The following RPL31 variants were observed in gnomAD, a reference collection of about 807,000 sequenced individuals.
RPL31 encodes the protein large ribosomal subunit protein eL31.
For missense variants in RPL31, 95 were observed against 164.0 expected (o/e 0.58, Z 2.30); for synonymous variants, 51 against 55.0 (o/e 0.93, Z 0.32).
chr2:101,007,982 T>C (rs774922509), downstream of RPL31: 10 of 1,613,908 alleles, frequency 6.2e-6, no homozygotes, highest in South Asian at 2.2e-5. Flanking sequence ...GAAGCTAAAA[T>C]ATGTTCAAGG....
intron 3 of RPL31, 197 bp from the exon 4 acceptor site, chr2:101,005,762 A>G (rs918399371): frequency 3.4e-6 from 2 of 584,680 alleles, no homozygotes; most frequent in East Asian, 2.9e-5. Context: ...TCAAACAAGC[A>G]TCCCTCCTGT....
In RPL31 at chr2:101,006,353, TACAG is replaced by T. The variant is rs1262561481; in HGVS notation, c.355_358del (p.Thr119SerfsTer9). 2.5e-6 allele frequency: 4 copies of T among 1,610,544 alleles called. No individual in the cohort carries two copies. The highest frequency in any genetic ancestry group is 1.7e-5 in the Admixed American group (1 of 58,980). On this transcript the variant is annotated frameshift_variant, in exon 5 of 5. Coordinates refer to ENST00000264258, the MANE Select transcript of RPL31 (RefSeq NM_000993.5). LOFTEE classifies it high-confidence loss of function. ...TTGACTGTTACTTCCTTTACAGATC[TACAG>T]ACAGTCAATGTGGATGAGAACTAAT...
chr2:101,006,406 G>A lies in RPL31; in HGVS notation c.*25G>A, dbSNP rs951297196. ...ATCGCTGATCGTCAGATCAAATAAA[G>A]TTATAAAATTGCCTTCATGTTTTTG... is the stretch of plus-strand genomic sequence containing the variant. On this transcript the variant is annotated 3_prime_UTR_variant, in exon 5 of 5. Coordinates refer to ENST00000264258, the MANE Select transcript of RPL31 (RefSeq NM_000993.5). 6.2e-7 allele frequency: 1 copy of A among 1,605,338 alleles called. No individual in the cohort carries two copies. Among genetic ancestry groups the A allele is most frequent in the Non-Finnish European group, 8.5e-7 (1 of 1,177,392 alleles).
At chr2:101,007,870 A>G (rs747861119), downstream of RPL31, 34 of 1,613,866 alleles carry the variant, frequency 2.1e-5, no homozygotes, top group Non-Finnish European at 2.6e-5. Context: ...GCTCATTTCA[A>G]AAGTTTTGAG....
At chr2:101,017,915 C>G in intron 4 of RPL31, 1 of 1,550,806 alleles carries the variant, frequency 6.4e-7, no homozygotes, top group Non-Finnish European at 8.7e-7. Context: ...AGAAACCGAA[C>G]AAGAAGAGGA....
intron 4 of RPL31, among the ~76,000 whole-genome samples, chr2:101,014,525 T>G (rs1470401082): frequency 2.0e-5 from 3 of 152,196 alleles, no homozygotes; most frequent in Non-Finnish European, 4.4e-5. Flanking sequence ...AGCTAAATCT[T>G]TAGAATGACT....
intron 2 of RPL31, among the ~76,000 whole-genome samples, chr2:101,003,114 C>A (rs1047157515): frequency 6.6e-6 from 1 of 152,214 alleles, no homozygotes; most frequent in Non-Finnish European, 1.5e-5. Flanking sequence ...CATCGGCCTT[C>A]TATCTTAGGT....
chr2:101,015,887 T>C (rs867085556), intron 4 of RPL31, among the ~76,000 whole-genome samples: 4 of 152,092 alleles, frequency 2.6e-5, no homozygotes, highest in Admixed American at 6.5e-5. Flanking sequence ...AAGCTGAAAC[T>C]GGATCCCTTC....
At chr2:101,007,788 T>A, downstream of RPL31, 2 of 1,595,010 alleles carry the variant, frequency 1.3e-6, no homozygotes, top group Non-Finnish European at 1.7e-6. Context: ...TTTGGTATGG[T>A]GGACTCCAGT....
At chr2:101,003,071 A>C (rs915329819) in intron 2 of RPL31, among the ~76,000 whole-genome samples, 4 of 152,116 alleles carry the variant, frequency 2.6e-5, no homozygotes, top group African/African-American at 7.2e-5. Flanking sequence ...TCCCTTCCCT[A>C]CCCAAACATG....
downstream of RPL31, among the ~76,000 whole-genome samples, chr2:101,008,664 T>A (rs1678936068): frequency 6.6e-6 from 1 of 151,916 alleles, no homozygotes; most frequent in East Asian, 1.9e-4. Context: ...AATACAAAAT[T>A]AGCCAGGCAT....
chr2:101,004,429 G>A lies in RPL31; in HGVS notation c.233+146G>A. On this transcript the variant is annotated intron_variant, in intron 3 of 4. Transcript: ENST00000264258. ...AAATACTGTGACCGTGACTTAGGGT[G>A]TGTAGTATCTGCAGGGAAGCCCCTT... The A allele has an allele frequency of 6.1e-6, 5 of 823,572 alleles. No individual in the cohort carries two copies. The South Asian group carries it at 7.9e-5, about 13-fold the overall frequency. The allele number at this position is 823,572 out of a possible 1,614,324, so 51.0% of individuals were successfully genotyped here.
At chr2:101,009,713 G>A (rs932671915), downstream of RPL31, among the ~76,000 whole-genome samples, 1 of 151,818 alleles carries the variant, frequency 6.6e-6, no homozygotes, top group African/African-American at 2.4e-5. Flanking sequence ...CCCACAAGAT[G>A]TTTTGTGGTC....
intron 2 of RPL31, among the ~76,000 whole-genome samples, chr2:101,003,721 C>G (rs1163406290): frequency 1.2e-4 from 19 of 152,230 alleles, no homozygotes; most frequent in Non-Finnish European, 1.0e-4. Context: ...CTGCACACTT[C>G]AGGCCCCTGC....
chr2:101,006,227 C>G, intron 4 of RPL31, 123 bp from the exon 5 acceptor site: 1 of 1,511,910 alleles, frequency 6.6e-7, no homozygotes, highest in South Asian at 1.3e-5. Context: ...CAAAACTGAT[C>G]CATATCTGGG....
At chr2:101,002,836 C>G (rs752999693) in intron 2 of RPL31, 28 bp downstream of exon 2, 7 of 1,527,518 alleles carry the variant, frequency 4.6e-6, no homozygotes, top group South Asian at 1.1e-5. Flanking sequence ...CGCCCTGGGT[C>G]TCGAACTCAC....
chr2:101,007,697 T>C (rs1678831425), downstream of RPL31: 1 of 975,780 alleles, frequency 1.0e-6, no homozygotes, highest in Non-Finnish European at 1.5e-6. Flanking sequence ...GTTTGTCAGG[T>C]TGTTTAGCCA....
downstream of RPL31, among the ~76,000 whole-genome samples, chr2:101,010,643 A>G (rs1380367105): frequency 1.3e-5 from 2 of 152,020 alleles, no homozygotes; most frequent in Admixed American, 6.5e-5. Flanking sequence ...CCAGCACTTT[A>G]GGAGGCTGAG....
chr2:101,008,990 T>G (rs1318481037), downstream of RPL31, among the ~76,000 whole-genome samples: 1 of 152,206 alleles, frequency 6.6e-6, no homozygotes, highest in African/African-American at 2.4e-5. Flanking sequence ...GTGATGCCTG[T>G]TGTTTTCTCA....
Sources: gnomAD v4.1 joint callset for allele counts (sites outside exome capture counted in the v4.1 genomes callset) on GRCh38, gnomAD v4.1.1 for gene constraint, MANE v1.5 for transcripts, NCBI Gene and HGNC (gene_info 2026-07-23, HGNC 2026-07-21) for gene names.